EEF1AKMT1: variants seen among roughly 807,000 people sequenced by gnomAD.
EEF1AKMT1 encodes EEF1A lysine methyltransferase 1, also known as N-6 adenine-specific DNA methyltransferase 2 (putative).
A neutral mutation model predicts 21.0 loss-of-function variants in EEF1AKMT1; 18 were observed. The ratio of observed to expected loss-of-function variants is 0.86; its 90% CI spans 0.59 to 1.27. The LOEUF (loss-of-function observed/expected upper bound fraction) is 1.27. EEF1AKMT1 is among the 50% of genes most tolerant of loss of function. EEF1AKMT1 has a pLI of 0.00. For synonymous variants in EEF1AKMT1, 109 were observed against 94.8 expected (o/e 1.15, Z -0.87); for missense variants, 246 against 258.6 (o/e 0.95, Z 0.33).
intron 2 of EEF1AKMT1, among the ~76,000 whole-genome samples, chr13:20,738,508 CG>C (rs1175579698): frequency 5.3e-5 from 8 of 152,182 alleles, no homozygotes; most frequent in African/African-American, 1.4e-4. Flanking sequence ...ATGGCAGGCT[CG>C]GGGCAGCCAG....
chr13:20,744,138 C>T lies in EEF1AKMT1; in HGVS notation c.145-6333G>A, dbSNP rs146735565. ...GGTTCCAAGTCTTTGCTACTGTAAA[C>T]AGTGCTGCAATAAACATATGTGTGC... On this transcript the variant is annotated intron_variant, in intron 2 of 4. Coordinates refer to ENST00000382758, the MANE Select transcript of EEF1AKMT1 (RefSeq NM_001318939.2). Among the ~76,000 whole-genome samples the T allele has an allele frequency of 1.8e-3, 278 of 152,292 alleles. 2 individuals are homozygous for T. The highest frequency in any genetic ancestry group is 6.5e-3 in the African/African-American group (269 of 41,552).
chr13:20,736,980 C>T (rs912263222), intron 3 of EEF1AKMT1, among the ~76,000 whole-genome samples: 1 of 151,836 alleles, frequency 6.6e-6, no homozygotes, highest in African/African-American at 2.4e-5. Flanking sequence ...GTGATCCGCC[C>T]GCCTTGGCCT....
chr13:20,731,104 A>C (rs2058792390), intron 4 of EEF1AKMT1, among the ~76,000 whole-genome samples: 1 of 152,238 alleles, frequency 6.6e-6, no homozygotes, highest in Non-Finnish European at 1.5e-5. Flanking sequence ...AGAACCGATC[A>C]GAAGGAAGAA....
intron 1 of EEF1AKMT1, among the ~76,000 whole-genome samples, chr13:20,759,283 T>C (rs965129475): frequency 6.6e-6 from 1 of 152,304 alleles, no homozygotes; most frequent in Non-Finnish European, 1.5e-5. Flanking sequence ...GCAGAATCTA[T>C]AAGAAACTTA....
chr13:20,736,312 T>C (rs2058825808), intron 3 of EEF1AKMT1, among the ~76,000 whole-genome samples: 1 of 152,190 alleles, frequency 6.6e-6, no homozygotes, highest in Admixed American at 6.5e-5. Flanking sequence ...ACCTGGAATG[T>C]GCTGTCCAAC....
intron 1 of EEF1AKMT1, among the ~76,000 whole-genome samples, chr13:20,761,819 C>A (rs1274789331): frequency 6.6e-6 from 1 of 152,156 alleles, no homozygotes; most frequent in Non-Finnish European, 1.5e-5. Flanking sequence ...AATTCATATA[C>A]CATACAATTC....
intron 1 of EEF1AKMT1, among the ~76,000 whole-genome samples, chr13:20,764,922 A>C (rs1215996651): frequency 9.6e-6 from 1 of 104,108 alleles, no homozygotes. Context: ...CACACACCCT[A>C]ATTTTGAAGT....
intron 1 of EEF1AKMT1, among the ~76,000 whole-genome samples, chr13:20,759,608 CA>C (rs150431189): frequency 4.0e-4 from 51 of 129,076 alleles, no homozygotes; most frequent in South Asian, 4.9e-4. Flanking sequence ...AAAAACGAAA[CA>C]AAAAAAAAAA....
At chr13:20,730,837 T>G (rs2314716) in intron 4 of EEF1AKMT1, among the ~76,000 whole-genome samples, 2 of 151,968 alleles carry the variant, frequency 1.3e-5, no homozygotes, top group Non-Finnish European at 2.9e-5. Context: ...CAGCCAGCAG[T>G]GCAACCAGGT....
intron 3 of EEF1AKMT1, among the ~76,000 whole-genome samples, chr13:20,732,507 A>G (rs1408037521): frequency 6.6e-6 from 1 of 151,696 alleles, no homozygotes; most frequent in Non-Finnish European, 1.5e-5. Flanking sequence ...ATTTTTTTGT[A>G]TTTTTAGTAG....
rs572759724 is a variant in EEF1AKMT1 at position 20,729,868 on chromosome 13, C to G, written c.509-652G>C. Among the ~76,000 whole-genome samples the G allele has an allele frequency of 1.3e-3, 202 of 152,338 alleles. 1 individual carries two copies. Among genetic ancestry groups the G allele is most frequent in the African/African-American group, 4.2e-3 (175 of 41,582 alleles). On this transcript the variant is annotated intron_variant, in intron 4 of 4. Transcript: ENST00000382758. ...CGCCCTCCCTGGGGTGCAGCAACAG[C>G]CCGCGGTGCCCAGGTCCACGTGCCC...
intron 2 of EEF1AKMT1, among the ~76,000 whole-genome samples, chr13:20,739,013 G>A (rs2058848686): frequency 6.6e-6 from 1 of 152,188 alleles, no homozygotes; most frequent in African/African-American, 2.4e-5. Flanking sequence ...TGTGCCCAGA[G>A]TTCCTTCCTT....
intron 2 of EEF1AKMT1, among the ~76,000 whole-genome samples, chr13:20,756,495 A>G (rs1176138881): frequency 6.6e-6 from 1 of 152,216 alleles, no homozygotes; most frequent in Non-Finnish European, 1.5e-5. Flanking sequence ...TCTTTCCACC[A>G]GGATTTCTGG....
At chr13:20,732,497 A>AT (rs574053886) in intron 3 of EEF1AKMT1, among the ~76,000 whole-genome samples, 5,576 of 152,058 alleles carry the variant, frequency 0.037, 365 homozygotes, top group African/African-American at 0.13. Flanking sequence ...CGCCTGGCTA[A>AT]TTTTTTTGTA....
intron 2 of EEF1AKMT1, chr13:20,747,918 G>T: frequency 1.1e-5 from 2 of 190,258 alleles, no homozygotes; most frequent in Admixed American, 5.3e-5. Context: ...GCAACACAAG[G>T]CAATGAACCT....
chr13:20,758,729 A>G (rs779873755), intron 1 of EEF1AKMT1, among the ~76,000 whole-genome samples: 2 of 152,186 alleles, frequency 1.3e-5, no homozygotes, highest in African/African-American at 2.4e-5. Flanking sequence ...TCCTAAGCAA[A>G]AAGAACAAAG....
At chr13:20,751,516 T>C (rs1182831379) in intron 2 of EEF1AKMT1, among the ~76,000 whole-genome samples, 1 of 152,232 alleles carries the variant, frequency 6.6e-6, no homozygotes, top group African/African-American at 2.4e-5. Flanking sequence ...CATTGGTCTA[T>C]GTGTCTGTTG....
At chr13:20,765,198 T>A (rs1451990680) in intron 1 of EEF1AKMT1, among the ~76,000 whole-genome samples, 2 of 151,526 alleles carry the variant, frequency 1.3e-5, no homozygotes, top group Non-Finnish European at 2.9e-5. Context: ...GAGGCAGAGG[T>A]TACAGTGAGC....
intron 2 of EEF1AKMT1, among the ~76,000 whole-genome samples, chr13:20,740,849 TG>T (rs770442208): frequency 1.3e-5 from 2 of 151,458 alleles, no homozygotes; most frequent in Non-Finnish European, 3.0e-5. Context: ...GGTGAATTTA[TG>T]GTATGTGAAT....
Sources: gnomAD v4.1 joint callset for allele counts (sites outside exome capture counted in the v4.1 genomes callset) on GRCh38, gnomAD v4.1.1 for gene constraint, MANE v1.5 for transcripts, NCBI Gene and HGNC (gene_info 2026-07-23, HGNC 2026-07-21) for gene names.